CEACAM4: variants seen among roughly 807,000 people sequenced by gnomAD.
The protein encoded by CEACAM4 is cell adhesion molecule CEACAM4.
CEACAM4 carries 30 observed loss-of-function variants against 28.7 expected under a neutral mutation model. The observed-to-expected ratio is 1.05, with a 90% CI of 0.78 to 1.42. CEACAM4 has a LOEUF of 1.42. Among genes scored for constraint, CEACAM4 ranks in the 40% most tolerant of loss-of-function variants. The probability of loss-of-function intolerance (pLI) is 0.00; values close to 1 mark genes in which losing one functional copy is unlikely to be tolerated. For missense variants in CEACAM4, 330 were observed against 308.2 expected (o/e 1.07, Z -0.53); for synonymous variants, 143 against 126.5 (o/e 1.13, Z -0.87).
At chr19:41,617,554 GTTTA>G (rs2071006321), downstream of CEACAM4, among the ~76,000 whole-genome samples, 1 of 152,226 alleles carries the variant, frequency 6.6e-6, no homozygotes, top group Non-Finnish European at 1.5e-5. Flanking sequence ...GGTTGTTGTG[GTTTA>G]TCCCAGGTGC....
chr19:41,620,915 C>T (rs1477284177), intron 3 of CEACAM4, among the ~76,000 whole-genome samples: 3 of 151,906 alleles, frequency 2.0e-5, no homozygotes, highest in African/African-American at 7.3e-5. Context: ...GGAATCAGAC[C>T]ACCTGCGTTT....
Position 41,625,761 on chromosome 19 carries a change from T to C in CEACAM4, c.264A>G (p.Ala88=). ...LIAGYITDIQ[A]NIPGAAYSGR... ...CACTGTATGCGGCCCCTGGGATATT[T>C]GCTTGAATGTCTGTTATATAACCAG... The change falls in exon 2 of 7, where the codon GCA becomes GCG. Residue 88 remains alanine (A), a synonymous_variant. Transcript: ENST00000221954. 6.2e-7 allele frequency: 1 copy of C among 1,614,074 alleles called. No individual in the cohort carries two copies. Among genetic ancestry groups the C allele is most frequent in the South Asian group, 1.1e-5 (1 of 91,082 alleles).
intron 2 of CEACAM4, among the ~76,000 whole-genome samples, chr19:41,622,853 T>G (rs76741085): frequency 0.048 from 6,325 of 132,250 alleles, 251 homozygotes; most frequent in African/African-American, 0.13. Context: ...TATACATATA[T>G]ATAGATAGAT....
At chr19:41,617,817 A>T (rs965522556), downstream of CEACAM4, among the ~76,000 whole-genome samples, 2 of 152,206 alleles carry the variant, frequency 1.3e-5, no homozygotes, top group Non-Finnish European at 2.9e-5. Context: ...TCAGGTTTCT[A>T]TGTCACTAAG....
intron 2 of CEACAM4, among the ~76,000 whole-genome samples, chr19:41,622,856 A>AGAT (rs1491103478): frequency 1.9e-5 from 2 of 107,966 alleles, no homozygotes; most frequent in Non-Finnish European, 3.6e-5. Flanking sequence ...ACATATATAT[A>AGAT]GATAGATAGA....
At chr19:41,618,233 T>C (rs1167348098), downstream of CEACAM4, among the ~76,000 whole-genome samples, 1 of 152,112 alleles carries the variant, frequency 6.6e-6, no homozygotes, top group Non-Finnish European at 1.5e-5. Context: ...CCCATCGCCA[T>C]GGGAGCCTGC....
In CEACAM4 at chr19:41,619,132, G is replaced by A; in HGVS notation, c.*198C>T. 1 of 582,636 alleles carries A rather than the reference G, an allele frequency of 1.7e-6. No individual in the cohort carries two copies. The allele number at this position is 582,636 out of a possible 1,614,324, so 36.1% of individuals were successfully genotyped here. A position where few individuals can be genotyped will look rare whatever the true frequency, so the allele number is the denominator to read the frequency against. On this transcript the variant is annotated 3_prime_UTR_variant, in exon 7 of 7. Coordinates refer to ENST00000221954, the MANE Select transcript of CEACAM4 (RefSeq NM_001817.4). ...GTGGTGATGAGAGGCCTTTGTCCCG[G>A]CCCACCCAGAGCCCAGGGCAACCTG...
chr19:41,613,656 G>T, the CEACAM4 span, among the ~76,000 whole-genome samples: 1 of 152,026 alleles, frequency 6.6e-6, no homozygotes, highest in Non-Finnish European at 1.5e-5. Flanking sequence ...TTAATTGGTG[G>T]ATTTAATGCA....
Position 41,619,730 on chromosome 19 carries a change from A to G in CEACAM4, c.628-19T>C. 1.9e-6 allele frequency: 3 copies of G among 1,551,718 alleles called. No individual in the cohort carries two copies. The highest frequency in any genetic ancestry group is 2.6e-6 in the Non-Finnish European group (3 of 1,147,542). On this transcript the variant is annotated intron_variant, in intron 5 of 6. Transcript: ENST00000221954. ...GAGGGGCCTGGGCAGGGGAGAGAGG[A>G]GATGTCAGGGGACAGGGAGGGAGGG...
intron 2 of CEACAM4, 163 bp downstream of exon 2, chr19:41,625,438 C>T: frequency 1.2e-6 from 1 of 825,402 alleles, no homozygotes; most frequent in Non-Finnish European, 1.9e-6. Context: ...GAATTCTGAT[C>T]TGTTGAAGTT....
chr19:41,618,298 G>C (rs1311783672), downstream of CEACAM4, among the ~76,000 whole-genome samples: 1 of 152,192 alleles, frequency 6.6e-6, no homozygotes, highest in Admixed American at 6.5e-5. Flanking sequence ...CCTGTGTAAA[G>C]AGTTGGCTTG....
intron 3 of CEACAM4, among the ~76,000 whole-genome samples, chr19:41,621,256 G>A (rs144461060): frequency 3.3e-5 from 5 of 152,214 alleles, no homozygotes; most frequent in Non-Finnish European, 7.4e-5. Context: ...TCCCCACTGC[G>A]TGACCATGCC....
chr19:41,626,069 T>A (rs1156913684), intron 1 of CEACAM4, 109 bp from the exon 2 acceptor site: 5 of 20,532 alleles, frequency 2.4e-4, no homozygotes, highest in South Asian at 6.1e-4. Context: ...TTGGAGTGTG[T>A]GTGTGTGTGT....
chr19:41,617,811 G>A (rs2071015206), downstream of CEACAM4, among the ~76,000 whole-genome samples: 2 of 152,178 alleles, frequency 1.3e-5, no homozygotes, highest in African/African-American at 4.8e-5. Context: ...TTTGGTTCAG[G>A]TTTCTATGTC....
downstream of CEACAM4, among the ~76,000 whole-genome samples, chr19:41,618,631 G>A (rs1230725110): frequency 2.6e-5 from 4 of 152,150 alleles, no homozygotes; most frequent in African/African-American, 9.7e-5. Flanking sequence ...CTGCGTAGGG[G>A]CCACAGCCGC....
intron 3 of CEACAM4, among the ~76,000 whole-genome samples, chr19:41,621,292 C>G (rs1200451807): frequency 6.6e-6 from 1 of 152,122 alleles, no homozygotes; most frequent in East Asian, 1.9e-4. Flanking sequence ...GGATCTCAAG[C>G]CTGCAAATCC....
chr19:41,613,698 G>T, the CEACAM4 span, among the ~76,000 whole-genome samples: 1 of 152,138 alleles, frequency 6.6e-6, no homozygotes, highest in African/African-American at 2.4e-5. Context: ...ATTAGAGGTG[G>T]TCACTGCAGC....
At position 41,625,801 on chromosome 19, in the gene CEACAM4, C is replaced by T; in HGVS notation, c.224G>A (p.Gly75Glu). 1 of 1,613,956 alleles carries T rather than the reference C, an allele frequency of 6.2e-7. No individual in the cohort carries two copies. Among genetic ancestry groups the T allele is most frequent in the Non-Finnish European group, 8.5e-7 (1 of 1,179,956 alleles). The change falls in exon 2 of 7, where the codon GGG becomes GAG. Residue 75 changes from glycine (G) to glutamate (E), a missense_variant. Coordinates refer to ENST00000221954, the MANE Select transcript of CEACAM4 (RefSeq NM_001817.4). ...TATATAACCAGCAATGAGAGGGCTC[C>T]CTTCTGCCGTTTTCCCCTTGTGCCA... ...YYWHKGKTAE[G>E]SPLIAGYITD...
chr19:41,619,274 G>T lies in CEACAM4; in HGVS notation c.*56C>A. The stretch of plus-strand genomic sequence containing the variant: ...GGCTCCATGTCCTTCCCCGTCCCCA[G>T]GGCTGGGAGCTTCGGGGACGCTCCA... On this transcript the variant is annotated 3_prime_UTR_variant, in exon 7 of 7. Transcript: ENST00000221954. The T allele has an allele frequency of 6.9e-7, 1 of 1,446,322 alleles. No homozygotes were observed. Among genetic ancestry groups the T allele is most frequent in the Non-Finnish European group, 9.7e-7 (1 of 1,027,994 alleles). 89.6% of individuals were successfully genotyped at this position (1,446,322 alleles called of 1,614,324 possible). A position where few individuals can be genotyped will look rare whatever the true frequency, so the allele number is the denominator to read the frequency against.
Sources: gnomAD v4.1 joint callset for allele counts (sites outside exome capture counted in the v4.1 genomes callset) on GRCh38, gnomAD v4.1.1 for gene constraint, MANE v1.5 for transcripts, NCBI Gene and HGNC (gene_info 2026-07-23, HGNC 2026-07-21) for gene names.